Variants in NTRK3 observed in about 807,000 individuals in gnomAD.
NTRK3 encodes neurotrophic receptor tyrosine kinase 3.
Under a neutral mutation model 91.7 loss-of-function variants are expected in NTRK3, and 24 were observed. The ratio of observed to expected loss-of-function variants is 0.26; its 90% CI spans 0.19 to 0.37. The LOEUF (loss-of-function observed/expected upper bound fraction) is 0.37. Ranked by LOEUF, NTRK3 falls within the 10% of genes least tolerant of loss-of-function variation. The probability of loss-of-function intolerance (pLI) is 1.00; values close to 1 mark genes in which losing one functional copy is unlikely to be tolerated. For missense variants in NTRK3, 880 were observed against 1,068.9 expected, an observed-to-expected ratio of 0.82 and a Z score of 2.46; for synonymous variants, 483 against 404.0, an observed-to-expected ratio of 1.20 and a Z score of -2.34.
At chr15:87,937,576 G>A (rs78244453) in intron 15 of NTRK3, among the ~76,000 whole-genome samples, 1,528 of 152,208 alleles carry the variant, frequency 0.01, 29 homozygotes, top group African/African-American at 0.035. Context: ...GAACCCAAAA[G>A]CTGCCCAGGG....
At chr15:88,213,944 T>C (rs2049489999) in intron 3 of NTRK3, among the ~76,000 whole-genome samples, 1 of 152,076 alleles carries the variant, frequency 6.6e-6, no homozygotes, top group African/African-American at 2.4e-5. Context: ...CCAGGCGTGG[T>C]GGCACATGTC....
intron 14 of NTRK3, among the ~76,000 whole-genome samples, chr15:88,008,991 GA>G (rs2076683807): frequency 6.6e-6 from 1 of 152,152 alleles, no homozygotes; most frequent in African/African-American, 2.4e-5. Flanking sequence ...TCAGGTTAAA[GA>G]AGAACAGATT....
chr15:87,966,794 T>A, intron 14 of NTRK3, among the ~76,000 whole-genome samples: 1 of 152,196 alleles, frequency 6.6e-6, no homozygotes, highest in East Asian at 1.9e-4. Flanking sequence ...CCTAGGACTT[T>A]TGGCAGCTAA....
At chr15:88,131,627 A>G (rs1597485399) in intron 10 of NTRK3, among the ~76,000 whole-genome samples, 1 of 152,246 alleles carries the variant, frequency 6.6e-6, no homozygotes, top group East Asian at 1.9e-4. Flanking sequence ...TTCGCAGTTT[A>G]CATTCATTTG....
At chr15:87,978,737 T>A (rs28602219) in intron 14 of NTRK3, 3,417 of 233,694 alleles carry the variant, frequency 0.015, 105 homozygotes, top group African/African-American at 0.07. Flanking sequence ...AAAATAAAAA[T>A]GTAAAGTGAT....
At chr15:88,182,715 A>G (rs2046595300) in intron 5 of NTRK3, among the ~76,000 whole-genome samples, 1 of 152,130 alleles carries the variant, frequency 6.6e-6, no homozygotes, top group Non-Finnish European at 1.5e-5. Context: ...TTTCATGCCC[A>G]CTTTCTCCCC....
chr15:88,238,661 T>C (rs774018705), intron 3 of NTRK3, among the ~76,000 whole-genome samples: 7 of 152,234 alleles, frequency 4.6e-5, no homozygotes, highest in Non-Finnish European at 7.3e-5. Context: ...CTCTGCAACT[T>C]ATTATATTTT....
intron 17 of NTRK3, chr15:87,916,575 G>A: frequency 1.4e-6 from 1 of 701,910 alleles, no homozygotes. Context: ...AATGAGAGAA[G>A]AAAACAACTG....
intron 14 of NTRK3, among the ~76,000 whole-genome samples, chr15:87,951,216 G>T (rs2071076662): frequency 6.6e-6 from 1 of 152,170 alleles, no homozygotes; most frequent in Non-Finnish European, 1.5e-5. Flanking sequence ...TTATCCGTAA[G>T]ATCATTTCCT....
intron 13 of NTRK3, among the ~76,000 whole-genome samples, chr15:88,104,730 A>C (rs747758135): frequency 6.6e-6 from 1 of 152,190 alleles, no homozygotes; most frequent in Non-Finnish European, 1.5e-5. Context: ...GAGCTCAAGG[A>C]AACTATGACT....
chr15:88,193,431 C>T (rs1254603295), intron 3 of NTRK3, among the ~76,000 whole-genome samples: 1 of 152,068 alleles, frequency 6.6e-6, no homozygotes, highest in Non-Finnish European at 1.5e-5. Flanking sequence ...CTGTCAGGGT[C>T]AGCAGTGGGG....
chr15:88,138,230 C>A (rs182859123), intron 6 of NTRK3, among the ~76,000 whole-genome samples: 71 of 151,586 alleles, frequency 4.7e-4, no homozygotes, highest in African/African-American at 1.5e-3. Flanking sequence ...TGTGAAACCC[C>A]CATCTCTACT....
chr15:88,000,062 T>C (rs985675630), intron 14 of NTRK3, among the ~76,000 whole-genome samples: 2 of 152,180 alleles, frequency 1.3e-5, no homozygotes, highest in Admixed American at 6.5e-5. Flanking sequence ...AGTGCTATGA[T>C]GGTGATATTC....
In NTRK3 at chr15:88,111,443, G is replaced by A. The variant is rs116435698; in HGVS notation, c.1396+14828C>T. On this transcript the variant is annotated intron_variant, in intron 13 of 18. Coordinates refer to ENST00000394480, the Ensembl canonical transcript of NTRK3. The stretch of plus-strand genomic sequence containing the variant: ...CAAATGTCCACCTGAGGCTGGGTAA[G>A]CAGCTTATTAACTGATAAGAGGACA... Among the ~76,000 whole-genome samples the A allele has an allele frequency of 5.7e-3, 866 of 152,328 alleles. 9 individuals carry two copies. The highest frequency in any genetic ancestry group is 0.02 in the African/African-American group (843 of 41,568).
chr15:88,200,864 T>C (rs904374573), intron 3 of NTRK3, among the ~76,000 whole-genome samples: 5 of 152,214 alleles, frequency 3.3e-5, no homozygotes, highest in African/African-American at 1.2e-4. Flanking sequence ...CAGGCTCTGA[T>C]TGCCACTTCA....
At chr15:87,996,842 G>A (rs746506791) in intron 14 of NTRK3, among the ~76,000 whole-genome samples, 1 of 152,166 alleles carries the variant, frequency 6.6e-6, no homozygotes, top group Non-Finnish European at 1.5e-5. Context: ...AAGAACTGAG[G>A]TTAATGTTAG....
intron 3 of NTRK3, chr15:88,252,820 G>A (rs1331620924): frequency 6.6e-6 from 1 of 152,266 alleles, no homozygotes; most frequent in Non-Finnish European, 1.5e-5. Flanking sequence ...TCTGGTGAGG[G>A]GTGGAGGTGA....
At chr15:87,954,006 CAGTGTGTGTGTGTGTGTG>C (rs2071405408) in intron 14 of NTRK3, among the ~76,000 whole-genome samples, 1 of 107,226 alleles carries the variant, frequency 9.3e-6, no homozygotes, top group African/African-American at 3.8e-5. Flanking sequence ...CAGACCTTTT[CAGTGTGTGTGTGTGTGTG>C]TGTGTGTGTG....
intron 14 of NTRK3, among the ~76,000 whole-genome samples, chr15:87,980,023 AC>A (rs2074078813): frequency 6.6e-6 from 1 of 152,130 alleles, no homozygotes; most frequent in African/African-American, 2.4e-5. Flanking sequence ...TTTCTCATTG[AC>A]CTTTTCGCCT....
Sources: gnomAD v4.1 joint callset for allele counts (sites outside exome capture counted in the v4.1 genomes callset) on GRCh38, gnomAD v4.1.1 for gene constraint, MANE v1.5 for transcripts, NCBI Gene and HGNC (gene_info 2026-07-23, HGNC 2026-07-21) for gene names.